The following PKHD1 variants were observed in gnomAD, a reference collection of about 807,000 sequenced individuals.
The protein encoded by PKHD1 is PKHD1 ciliary IPT domain containing fibrocystin/polyductin.
Under a neutral mutation model 412.0 loss-of-function variants are expected in PKHD1, and 291 were observed. The observed-to-expected ratio is 0.71, with a 90% CI of 0.64 to 0.78. The LOEUF (loss-of-function observed/expected upper bound fraction) is 0.78, where lower values mean the gene tolerates loss of function less well. PKHD1 is among the 30% of genes least tolerant of loss of function. The pLI is 0.00. For missense variants in PKHD1, 4,825 were observed against 4,950.7 expected (o/e 0.97, Z 0.76); for synonymous variants, 1,777 against 1,821.5 (o/e 0.98, Z 0.62).
chr6:51,640,579 G>C (rs1303830458), intron 63 of PKHD1, among the ~76,000 whole-genome samples: 2 of 152,124 alleles, frequency 1.3e-5, no homozygotes, highest in Non-Finnish European at 2.9e-5. Context: ...ACTTGGGATG[G>C]GGTGGGGTGC....
intron 37 of PKHD1, among the ~76,000 whole-genome samples, chr6:51,918,718 G>A (rs975584705): frequency 6.6e-6 from 1 of 152,170 alleles, no homozygotes; most frequent in Non-Finnish European, 1.5e-5. Flanking sequence ...CCAGTAATGG[G>A]ATTGCTGGGT....
intron 48 of PKHD1, 84 bp from the exon 49 acceptor site, chr6:51,856,154 G>A: frequency 1.2e-6 from 1 of 852,090 alleles, no homozygotes; most frequent in South Asian, 1.3e-5. Flanking sequence ...TTCATCAATT[G>A]CAATCATCTT....
At chr6:51,740,124 G>C (rs1784388253) in intron 60 of PKHD1, 2 of 466,076 alleles carry the variant, frequency 4.3e-6, no homozygotes, top group Non-Finnish European at 8.7e-6. Flanking sequence ...TGCTTGGCAT[G>C]AGCTGTCTTG....
Position 51,632,559 on chromosome 6 carries a change from A to G in PKHD1, c.11665+6T>C. Reference sequence around the variant, plus strand: ...TTCATTCCAAAATAAAAAAAAAACTACATACTTCTGCTTTTGCTTCTTTTA... The same window carrying G: ...TTCATTCCAAAATAAAAAAAAAACTGCATACTTCTGCTTTTGCTTCTTTTA... On this transcript the variant is annotated splice_donor_region_variant and intron_variant, in intron 65 of 66. Transcript: ENST00000371117. The G allele has an allele frequency of 1.9e-6, 3 of 1,608,258 alleles. No individual in the cohort carries two copies. The highest frequency in any genetic ancestry group is 2.6e-6 in the Non-Finnish European group (3 of 1,175,732).
intron 25 of PKHD1, 76 bp from the exon 26 acceptor site, chr6:52,043,806 T>C: frequency 2.0e-6 from 2 of 984,306 alleles, no homozygotes; most frequent in South Asian, 2.6e-5. Context: ...ATATGTGAAG[T>C]GCTCCCAAGC....
At chr6:52,087,306 CA>C (rs1176871738) in intron 1 of PKHD1, 127 bp downstream of exon 1, 1 of 152,146 alleles carries the variant, frequency 6.6e-6, no homozygotes, top group Non-Finnish European at 1.5e-5. Context: ...TCCTTTGGGA[CA>C]TCGAGGGACA....
At chr6:51,692,360 T>G (rs1562111817) in intron 60 of PKHD1, among the ~76,000 whole-genome samples, 1 of 152,078 alleles carries the variant, frequency 6.6e-6, no homozygotes, top group Non-Finnish European at 1.5e-5. Flanking sequence ...CCTTCAGTAC[T>G]AATCAACTCA....
At chr6:51,775,151 ATAAG>A (rs1368434470) in intron 54 of PKHD1, among the ~76,000 whole-genome samples, 5 of 151,830 alleles carry the variant, frequency 3.3e-5, no homozygotes, top group Non-Finnish European at 4.4e-5. Flanking sequence ...CAACTATTAT[ATAAG>A]TAAGGGAAAA....
rs1896969 is a variant in PKHD1 at position 52,020,221 on chromosome 6, G to A, written c.5380+2580C>T. 9.9e-3 allele frequency among the ~76,000 whole-genome samples: 1,503 copies of A among 152,294 alleles called. 33 individuals carry two copies. The highest frequency in any genetic ancestry group is 0.033 in the African/African-American group (1,383 of 41,558). ...AGAAAAAAAGAAATCATATAAATAT[G>A]AGGAAAGTCCAGCTGTGCACAGCCA... On this transcript the variant is annotated intron_variant, in intron 33 of 66. Coordinates refer to ENST00000371117, the MANE Select transcript of PKHD1 (RefSeq NM_138694.4).
intron 28 of PKHD1, among the ~76,000 whole-genome samples, chr6:52,035,097 G>A (rs1803728550): frequency 6.6e-6 from 1 of 152,156 alleles, no homozygotes; most frequent in Non-Finnish European, 1.5e-5. Flanking sequence ...TCAGGGACTT[G>A]TTTTTAAGGG....
At chr6:51,691,346 ACATG>A (rs1338152465) in intron 60 of PKHD1, among the ~76,000 whole-genome samples, 1 of 152,210 alleles carries the variant, frequency 6.6e-6, no homozygotes. Flanking sequence ...TTATAAAGAC[ACATG>A]CATGAATATA....
chr6:51,796,161 A>G (rs1054034620), intron 52 of PKHD1, among the ~76,000 whole-genome samples: 1 of 152,086 alleles, frequency 6.6e-6, no homozygotes, highest in African/African-American at 2.4e-5. Context: ...TTGGTAGGCT[A>G]CTTATTACTG....
rs141948165 is a variant in PKHD1 at position 51,890,288 on chromosome 6, G to T, written c.6997-3043C>A. 2.5e-3 allele frequency among the ~76,000 whole-genome samples: 376 copies of T among 152,204 alleles called. 3 individuals are homozygous for T. Among genetic ancestry groups the T allele is most frequent in the African/African-American group, 8.1e-3 (336 of 41,520 alleles). ...TAGAGACTAGAGTAGAGAAATGAAG[G>T]TAGGACCCAAAGGCAGGATGCCCAA... On this transcript the variant is annotated intron_variant, in intron 43 of 66. Coordinates refer to ENST00000371117, the MANE Select transcript of PKHD1 (RefSeq NM_138694.4).
chr6:52,068,277 C>T (rs540640326), intron 11 of PKHD1, among the ~76,000 whole-genome samples: 114 of 152,304 alleles, frequency 7.5e-4, no homozygotes, highest in African/African-American at 2.5e-3. Context: ...TCTACACCCT[C>T]TCTTCCTACA....
intron 64 of PKHD1, 117 bp downstream of exon 64, chr6:51,638,731 TA>T (rs937592279): frequency 4.0e-5 from 29 of 728,950 alleles, no homozygotes; most frequent in Middle Eastern, 3.9e-4. Context: ...ATTTATTTTC[TA>T]AACTATGATG....
At chr6:51,649,537 GATA>G (rs1770605067) in intron 61 of PKHD1, among the ~76,000 whole-genome samples, 2 of 152,040 alleles carry the variant, frequency 1.3e-5, no homozygotes, top group Admixed American at 1.3e-4. Context: ...GACTAATATA[GATA>G]ATAATAATAA....
intron 7 of PKHD1, among the ~76,000 whole-genome samples, chr6:52,072,637 G>A (rs1023532726): frequency 6.6e-6 from 1 of 152,110 alleles, no homozygotes; most frequent in Non-Finnish European, 1.5e-5. Flanking sequence ...ATTGCTTAAT[G>A]CCAGAAATGT....
intron 52 of PKHD1, among the ~76,000 whole-genome samples, chr6:51,824,177 C>T (rs977353430): frequency 9.9e-5 from 15 of 151,998 alleles, no homozygotes; most frequent in African/African-American, 3.6e-4. Flanking sequence ...ATCAACAATT[C>T]TATGTGTCTA....
intron 43 of PKHD1, among the ~76,000 whole-genome samples, chr6:51,888,019 G>C (rs1182408082): frequency 2.0e-5 from 3 of 152,126 alleles, no homozygotes; most frequent in African/African-American, 4.8e-5. Context: ...AGCTCTCCAA[G>C]GCAAAGGTGT....
Sources: gnomAD v4.1 joint callset for allele counts (sites outside exome capture counted in the v4.1 genomes callset) on GRCh38, gnomAD v4.1.1 for gene constraint, MANE v1.5 for transcripts, NCBI Gene and HGNC (gene_info 2026-07-23, HGNC 2026-07-21) for gene names.